TMC3: variants seen among roughly 807,000 people sequenced by gnomAD.
TMC3 encodes the protein transmembrane channel-like protein 3.
In TMC3, 98 loss-of-function variants were observed where a neutral mutation model predicts 110.6. The ratio of observed to expected loss-of-function variants is 0.89; its 90% CI spans 0.75 to 1.05. TMC3 has a LOEUF of 1.05. Among genes scored for constraint, TMC3 ranks in the 50% least tolerant of loss-of-function variants. The pLI is 0.00. For missense variants in TMC3, 1,319 were observed against 1,373.2 expected, an observed-to-expected ratio of 0.96 and a Z score of 0.62; for synonymous variants, 489 against 513.1, an observed-to-expected ratio of 0.95 and a Z score of 0.63.
intron 15 of TMC3, chr15:81,341,859 G>C (rs562192737): frequency 6.9e-5 from 13 of 187,422 alleles, no homozygotes; most frequent in African/African-American, 2.8e-4. Context: ...GCTTGTCTAT[G>C]ATGAGGACTG....
rs1193948580 is a variant in TMC3 at position 81,338,662 on chromosome 15, G to GGAGTAC, written c.2068_2073dup (p.Val690_Leu691dup). 7 of 1,613,946 alleles carry GGAGTAC rather than the reference G, an allele frequency of 4.3e-6. No individual in the cohort carries two copies. The highest frequency in any genetic ancestry group is 5.9e-6 in the Non-Finnish European group (7 of 1,179,862). ...GGCAGGTGTGGTACTCACAAAAGCAGGAGTACTGCGGGCAGGATGACCACG... is the reference window on the plus strand; with the variant it reads ...GGCAGGTGTGGTACTCACAAAAGCAGGAGTACGAGTACTGCGGGCAGGATGACCACG... On this transcript the variant is annotated inframe_insertion, in exon 18 of 22. Coordinates refer to ENST00000359440, the MANE Select transcript of TMC3 (RefSeq NM_001080532.3).
chr15:81,352,081 C>T (rs182991454), intron 9 of TMC3, among the ~76,000 whole-genome samples: 3 of 152,288 alleles, frequency 2.0e-5, no homozygotes, highest in Admixed American at 6.5e-5. Context: ...AACAAACAGA[C>T]GAACAAATAA....
intron 16 of TMC3, among the ~76,000 whole-genome samples, chr15:81,340,224 GTCTCTCTCTCTCTC>G (rs5814056): frequency 0.011 from 1,662 of 148,368 alleles, 27 homozygotes; most frequent in African/African-American, 0.04. Flanking sequence ...CTCTGTCTCT[GTCTCTCTCTCTCTC>G]TCTCTCTCTC....
intron 19 of TMC3, among the ~76,000 whole-genome samples, chr15:81,337,008 A>G (rs1309627682): frequency 6.6e-6 from 1 of 152,184 alleles, no homozygotes; most frequent in Non-Finnish European, 1.5e-5. Context: ...TGTAACTCCA[A>G]ATGAATTTCC....
Position 81,339,396 on chromosome 15 carries a change from G to A in TMC3, c.1953C>T (p.Phe651=). 1 of 1,607,566 alleles carries A rather than the reference G, an allele frequency of 6.2e-7. No individual in the cohort carries two copies. Among genetic ancestry groups the A allele is most frequent in the South Asian group, 1.1e-5 (1 of 89,566 alleles). ...GCAGAGCTGGGAACGAAACTTACCT[G>A]AATGGCCCACAGTTTAGAGATGGCT... ...RYKPSLNCGP[F]SGQEKIYDIV... is the part of the protein sequence containing the mutation. Residue 651 remains phenylalanine (F), a splice_region_variant and synonymous_variant, in exon 17 of 22, where the codon TTC becomes TTT. Transcript: ENST00000359440.
chr15:81,341,609 C>T, intron 15 of TMC3, 91 bp from the exon 16 acceptor site: 1 of 1,418,546 alleles, frequency 7.0e-7, no homozygotes, highest in Non-Finnish European at 9.5e-7. Context: ...ATGGTTCTGA[C>T]ACTTTGGGGA....
chr15:81,357,769 C>T (rs1894097456), intron 7 of TMC3, among the ~76,000 whole-genome samples: 1 of 152,224 alleles, frequency 6.6e-6, no homozygotes, highest in African/African-American at 2.4e-5. Flanking sequence ...TCACCTAGAT[C>T]ATATTGCTTA....
At chr15:81,338,421 G>A (rs551951698) in intron 18 of TMC3, among the ~76,000 whole-genome samples, 9 of 152,250 alleles carry the variant, frequency 5.9e-5, no homozygotes, top group Admixed American at 3.3e-4. Flanking sequence ...CACCTCAATG[G>A]CAATGGAGTG....
rs1219740752 is a variant in TMC3, at chr15:81,332,370, A to C, written c.*49T>G. 6.5e-7 allele frequency: 1 copy of C among 1,535,998 alleles called. No individual in the cohort carries two copies. Among genetic ancestry groups the C allele is most frequent in the Non-Finnish European group, 8.8e-7 (1 of 1,139,626 alleles). The stretch of plus-strand genomic sequence containing the variant: ...AAAGGGAGATGCCATGTGCTGGCCC[A>C]GCACTCCAACAGGGGCCTGACCTCT... On this transcript the variant is annotated 3_prime_UTR_variant, in exon 22 of 22. Transcript: ENST00000359440.
intron 16 of TMC3, among the ~76,000 whole-genome samples, chr15:81,340,035 T>C (rs533918110): frequency 1.3e-5 from 2 of 152,322 alleles, no homozygotes; most frequent in African/African-American, 4.8e-5. Flanking sequence ...TCTACCTGAT[T>C]AAGCCCCGGT....
intron 8 of TMC3, among the ~76,000 whole-genome samples, 157 bp downstream of exon 8, chr15:81,356,290 C>T (rs546369481): frequency 3.3e-5 from 5 of 152,244 alleles, no homozygotes; most frequent in Non-Finnish European, 7.4e-5. Context: ...TTATTTGGTA[C>T]ATTTCCTGGA....
At position 81,331,853 on chromosome 15, in the gene TMC3, C is replaced by G. The variant is rs564273810; in HGVS notation, c.*566G>C. The G allele has an allele frequency of 2.2e-4, 33 of 150,370 alleles. 1 individual carries two copies. The South Asian group carries it at 6.8e-3, about 31-fold the overall frequency. The allele number at this position is 150,370 out of a possible 1,614,324, so 9.3% of individuals were successfully genotyped here. A position where few individuals can be genotyped will look rare whatever the true frequency, so the allele number is the denominator to read the frequency against. On this transcript the variant is annotated 3_prime_UTR_variant, in exon 22 of 22. Coordinates refer to ENST00000359440, the MANE Select transcript of TMC3 (RefSeq NM_001080532.3). ...ACACTGCGCATGCTCCCCTCCCCAGCGCTAGCAGGCCACTACTGCGCATGC... is the reference window on the plus strand; with the variant it reads ...ACACTGCGCATGCTCCCCTCCCCAGGGCTAGCAGGCCACTACTGCGCATGC...
chr15:81,339,862 G>C (rs1247371162), intron 16 of TMC3, among the ~76,000 whole-genome samples: 1 of 152,118 alleles, frequency 6.6e-6, no homozygotes, highest in South Asian at 2.1e-4. Flanking sequence ...CATCCATCTG[G>C]GTCCTTACCT....
intron 16 of TMC3, among the ~76,000 whole-genome samples, chr15:81,341,177 A>G (rs1284275282): frequency 1.3e-5 from 2 of 152,196 alleles, no homozygotes; most frequent in Non-Finnish European, 2.9e-5. Context: ...AAAACGTTTT[A>G]AAAGTGTCAT....
chr15:81,336,670 G>A lies in TMC3; in HGVS notation c.2161-19C>T. 1.2e-6 allele frequency: 2 copies of A among 1,613,578 alleles called. No homozygotes were observed. The highest frequency in any genetic ancestry group is 1.1e-5 in the South Asian group (1 of 91,046). On this transcript the variant is annotated intron_variant, in intron 19 of 21. Coordinates refer to ENST00000359440, the MANE Select transcript of TMC3 (RefSeq NM_001080532.3). ...ATCTTGCCTAAAATGCAAATGATAT[G>A]CATGTTTGTTTTGGCTTTAGCAGGA...
At chr15:81,356,202 A>G (rs1894057000) in intron 8 of TMC3, among the ~76,000 whole-genome samples, 1 of 152,262 alleles carries the variant, frequency 6.6e-6, no homozygotes, top group South Asian at 2.1e-4. Context: ...AAATATACAA[A>G]CTGAAATTTT....
At chr15:81,353,659 C>T (rs1324717565) in intron 9 of TMC3, among the ~76,000 whole-genome samples, 1 of 152,172 alleles carries the variant, frequency 6.6e-6, no homozygotes, top group Non-Finnish European at 1.5e-5. Context: ...ACTATATAGC[C>T]TAGGTGTGTA....
At chr15:81,369,057 C>A (rs1894378922) in intron 2 of TMC3, among the ~76,000 whole-genome samples, 1 of 152,054 alleles carries the variant, frequency 6.6e-6, no homozygotes, top group Non-Finnish European at 1.5e-5. Context: ...CATATACCAC[C>A]CCATGCAGAG....
chr15:81,358,009 A>ACATAT, intron 7 of TMC3, 140 bp downstream of exon 7: 1 of 1,059,422 alleles, frequency 9.4e-7, no homozygotes, highest in Non-Finnish European at 1.3e-6. Context: ...ATGACATTAC[A>ACATAT]CATATCATAA....
Sources: allele counts gnomAD v4.1 joint callset (sites outside exome capture counted in the v4.1 genomes callset), GRCh38; gene constraint gnomAD v4.1.1; transcripts MANE v1.5; gene names NCBI Gene and HGNC (gene_info 2026-07-23, HGNC 2026-07-21).